Variants in SYNRG observed in about 807,000 individuals in gnomAD.
SYNRG encodes synergin gamma.
Under a neutral mutation model 130.9 loss-of-function variants are expected in SYNRG, and 37 were observed. That is an observed-to-expected ratio of 0.28 (90% CI 0.22 to 0.37). The LOEUF (loss-of-function observed/expected upper bound fraction) is 0.37. SYNRG is among the 10% of genes least tolerant of loss of function. SYNRG has a pLI of 1.00. For synonymous variants in SYNRG, 539 were observed against 568.1 expected, an observed-to-expected ratio of 0.95 and a Z score of 0.73; for missense variants, 1,338 against 1,588.9, an observed-to-expected ratio of 0.84 and a Z score of 2.68.
intron 1 of SYNRG, chr17:37,605,828 C>T: frequency 1.0e-6 from 1 of 985,420 alleles, no homozygotes; most frequent in Non-Finnish European, 1.2e-6. Context: ...TTACCTATCT[C>T]ATCCGTCCCT....
chr17:37,590,063 C>T (rs921127805), intron 3 of SYNRG, among the ~76,000 whole-genome samples: 3 of 151,564 alleles, frequency 2.0e-5, no homozygotes, highest in African/African-American at 7.3e-5. Context: ...CCCAGCTTCT[C>T]TGGAGGCTAA....
chr17:37,532,424 G>C (rs1011336234), intron 19 of SYNRG, among the ~76,000 whole-genome samples: 4 of 152,170 alleles, frequency 2.6e-5, no homozygotes, highest in Non-Finnish European at 4.4e-5. Flanking sequence ...AATGCCTCTA[G>C]CACTTTGGGA....
Position 37,542,257 on chromosome 17 carries a change from G to A in SYNRG, c.2917C>T (p.Gln973Ter). Residue 973 changes from glutamine to a stop codon, truncating the protein, a stop_gained, in exon 15 of 22, where the codon CAG becomes TAG. Coordinates refer to ENST00000612223, the MANE Select transcript of SYNRG (RefSeq NM_007247.6). LOFTEE classifies it high-confidence loss of function. ...ALASFKDTIP[Q>*]TSEQKEYENR... ...TCATATTCCTTTTGCTCACTGGTCT[G>A]AGGAATCGTGTCTTTAAAACTGGCA... is the stretch of plus-strand genomic sequence containing the variant. 6.2e-7 allele frequency: 1 copy of A among 1,614,206 alleles called. No individual in the cohort carries two copies. The highest frequency in any genetic ancestry group is 1.7e-5 in the Admixed American group (1 of 60,022).
At chr17:37,571,329 C>T (rs748530089) in intron 9 of SYNRG, among the ~76,000 whole-genome samples, 2 of 152,262 alleles carry the variant, frequency 1.3e-5, no homozygotes, top group African/African-American at 2.4e-5. Flanking sequence ...TGCCTGTAAT[C>T]CCAGCACTTT....
intron 8 of SYNRG, among the ~76,000 whole-genome samples, chr17:37,573,043 T>C (rs2060549766): frequency 6.6e-6 from 1 of 152,178 alleles, no homozygotes; most frequent in South Asian, 2.1e-4. Flanking sequence ...AGAGAAACTG[T>C]TTAAAACAAA....
chr17:37,553,096 A>G lies in SYNRG; in HGVS notation c.2608+19T>C. ...AAATCTACAACACCATCACCAGAGC[A>G]ATCTCACCAATTCCTCACCTGCAGC... On this transcript the variant is annotated intron_variant, in intron 14 of 21. Coordinates refer to ENST00000612223, the MANE Select transcript of SYNRG (RefSeq NM_007247.6). 1 of 1,602,482 alleles carries G rather than the reference A, an allele frequency of 6.2e-7. No homozygotes were observed. The highest frequency in any genetic ancestry group is 8.5e-7 in the Non-Finnish European group (1 of 1,175,538).
intron 19 of SYNRG, among the ~76,000 whole-genome samples, chr17:37,527,525 G>C (rs908733448): frequency 6.6e-6 from 1 of 151,968 alleles, no homozygotes; most frequent in Non-Finnish European, 1.5e-5. Flanking sequence ...GTCAGCCCTC[G>C]GTATCCATGG....
At chr17:37,605,899 A>C in intron 1 of SYNRG, 1 of 985,448 alleles carries the variant, frequency 1.0e-6, no homozygotes, top group Non-Finnish European at 1.2e-6. Flanking sequence ...TCTTAGGCCT[A>C]AACTCCTACA....
chr17:37,536,935 G>C (rs138782932), intron 18 of SYNRG: 39 of 152,378 alleles, frequency 2.6e-4, no homozygotes, highest in African/African-American at 8.7e-4. Context: ...TCTTCAGAGC[G>C]GGGCCTCAGC....
chr17:37,608,275 T>C (rs1281741380), intron 1 of SYNRG, among the ~76,000 whole-genome samples: 2 of 152,088 alleles, frequency 1.3e-5, no homozygotes, highest in Non-Finnish European at 2.9e-5. Context: ...TGTTCACGAC[T>C]CCGAAATTGA....
At chr17:37,571,325 T>TA (rs1262650957) in intron 9 of SYNRG, among the ~76,000 whole-genome samples, 1 of 152,216 alleles carries the variant, frequency 6.6e-6, no homozygotes, top group African/African-American at 2.4e-5. Context: ...CTCATGCCTG[T>TA]AATCCCAGCA....
At chr17:37,548,841 A>AC (rs1346448918) in intron 14 of SYNRG, among the ~76,000 whole-genome samples, 2 of 145,990 alleles carry the variant, frequency 1.4e-5, no homozygotes, top group African/African-American at 5.1e-5. Flanking sequence ...AAAAAAAAAA[A>AC]AACACACAAA....
At chr17:37,581,439 G>A (rs918401286) in intron 6 of SYNRG, among the ~76,000 whole-genome samples, 29 of 151,654 alleles carry the variant, frequency 1.9e-4, no homozygotes, top group Admixed American at 1.1e-3. Context: ...CACCACGCCC[G>A]GCTAATTTTT....
intron 18 of SYNRG, chr17:37,536,489 T>C: frequency 4.7e-6 from 1 of 211,572 alleles, no homozygotes; most frequent in Non-Finnish European, 9.3e-6. Flanking sequence ...GTAAAAGGCT[T>C]ACAACAGTGC....
chr17:37,541,146 C>T, intron 15 of SYNRG: 1 of 985,424 alleles, frequency 1.0e-6, no homozygotes, highest in South Asian at 4.7e-5. Flanking sequence ...AACAAAAGCA[C>T]CTTTCTAAAT....
chr17:37,606,265 C>T (rs1391682467), intron 1 of SYNRG, among the ~76,000 whole-genome samples: 4 of 152,188 alleles, frequency 2.6e-5, no homozygotes, highest in East Asian at 3.9e-4. Context: ...GCTTCCTCTT[C>T]CTCTAACTCT....
chr17:37,589,338 C>G (rs954900160), intron 3 of SYNRG, among the ~76,000 whole-genome samples: 1 of 152,190 alleles, frequency 6.6e-6, no homozygotes, highest in Admixed American at 6.5e-5. Context: ...AAGATATTTA[C>G]TGATGCAAGG....
intron 3 of SYNRG, among the ~76,000 whole-genome samples, chr17:37,591,322 G>T (rs1308876098): frequency 6.6e-6 from 1 of 152,172 alleles, no homozygotes. Flanking sequence ...ACAGTCTTCT[G>T]ATAGAAGAAA....
intron 13 of SYNRG, among the ~76,000 whole-genome samples, chr17:37,558,329 C>G (rs2059270226): frequency 6.6e-6 from 1 of 152,140 alleles, no homozygotes; most frequent in Non-Finnish European, 1.5e-5. Context: ...TAAAAGATTG[C>G]TGAAGGATGT....
Sources: allele counts gnomAD v4.1 joint callset (sites outside exome capture counted in the v4.1 genomes callset), GRCh38; gene constraint gnomAD v4.1.1; transcripts MANE v1.5; gene names NCBI Gene and HGNC (gene_info 2026-07-23, HGNC 2026-07-21).